The following KIAA0825 variants were observed in gnomAD, a reference collection of about 807,000 sequenced individuals.
KIAA0825 encodes the protein uncharacterized protein KIAA0825.
KIAA0825 carries 119 observed loss-of-function variants against 147.6 expected under a neutral mutation model. The observed-to-expected ratio is 0.81, with a 90% CI of 0.69 to 0.94. The LOEUF (loss-of-function observed/expected upper bound fraction) is 0.94, where lower values mean the gene tolerates loss of function less well. Ranked by LOEUF, KIAA0825 falls within the 40% of genes least tolerant of loss-of-function variation. The pLI, the probability that KIAA0825 is intolerant of heterozygous loss-of-function variation, is 0.00. For synonymous variants in KIAA0825, 470 were observed against 518.1 expected (o/e 0.91, Z 1.26); for missense variants, 1,381 against 1,472.7 (o/e 0.94, Z 1.02).
chr5:94,376,313 T>C lies in KIAA0825; in HGVS notation c.3710+8055A>G, dbSNP rs958412944. On this transcript the variant is annotated intron_variant, in intron 20 of 20. Coordinates refer to ENST00000682413, the MANE Select transcript of KIAA0825 (RefSeq NM_001145678.3). ...AGATACAAAACCAGAAGACTTCATC[T>C]TGGGGCTCTTTTGAGCTGCCATGTA... Among the ~76,000 whole-genome samples, 6 of 152,322 alleles carry C rather than the reference T, an allele frequency of 3.9e-5. No homozygotes were observed. The East Asian group carries it at 5.8e-4, about 15-fold the overall frequency.
intron 2 of KIAA0825, among the ~76,000 whole-genome samples, chr5:94,566,722 T>C (rs190416776): frequency 1.3e-5 from 2 of 152,244 alleles, no homozygotes; most frequent in East Asian, 1.9e-4. Context: ...CTCTTCTATA[T>C]AGATTATAAT....
At chr5:94,581,086 CA>C (rs1782080790) in intron 2 of KIAA0825, among the ~76,000 whole-genome samples, 1 of 151,908 alleles carries the variant, frequency 6.6e-6, no homozygotes, top group South Asian at 2.1e-4. Context: ...ATCAAATAAG[CA>C]TTCACAAAAT....
chr5:94,505,648 G>A (rs1198018775), intron 5 of KIAA0825, among the ~76,000 whole-genome samples: 1 of 151,776 alleles, frequency 6.6e-6, no homozygotes, highest in Non-Finnish European at 1.5e-5. Flanking sequence ...TCAAAGATTT[G>A]TCTTAAATAA....
chr5:94,565,424 C>T lies in KIAA0825; in HGVS notation c.-2+17009G>A, dbSNP rs528815160. On this transcript the variant is annotated intron_variant, in intron 2 of 20. Transcript: ENST00000682413. ...TGGTGCAATCTCAGCTCACCGCAAC[C>T]TCTGCCTCCCAGGTTGAGGCAATTC... Among the ~76,000 whole-genome samples, 14 of 151,524 alleles carry T rather than the reference C, an allele frequency of 9.2e-5. No individual in the cohort carries two copies. In the East Asian group the frequency reaches 2.5e-3, roughly 27 times the overall value.
At chr5:94,280,002 CA>C (rs1234595482) in intron 20 of KIAA0825, among the ~76,000 whole-genome samples, 1 of 152,026 alleles carries the variant, frequency 6.6e-6, no homozygotes, top group Non-Finnish European at 1.5e-5. Context: ...TAAAAAGCAT[CA>C]AACGATATCT....
intron 1 of KIAA0825, among the ~76,000 whole-genome samples, chr5:94,599,049 G>A (rs1031864051): frequency 6.6e-6 from 1 of 152,058 alleles, no homozygotes; most frequent in Non-Finnish European, 1.5e-5. Flanking sequence ...TTAGAAAGCT[G>A]AATACTGTTT....
chr5:94,353,352 C>T (rs1783906300), intron 20 of KIAA0825, among the ~76,000 whole-genome samples: 1 of 152,080 alleles, frequency 6.6e-6, no homozygotes, highest in East Asian at 1.9e-4. Context: ...CAGTTTTATC[C>T]AAATCTACTG....
chr5:94,180,128 A>G (rs1769469952), intron 20 of KIAA0825, among the ~76,000 whole-genome samples: 1 of 152,112 alleles, frequency 6.6e-6, no homozygotes, highest in African/African-American at 2.4e-5. Context: ...AAAAAATACA[A>G]GCTCAACCAA....
intron 1 of KIAA0825, among the ~76,000 whole-genome samples, chr5:94,594,967 C>G (rs773065908): frequency 3.3e-5 from 5 of 152,100 alleles, no homozygotes; most frequent in Non-Finnish European, 7.4e-5. Flanking sequence ...TGGGCTCCCA[C>G]AGCCTTGGGC....
chr5:94,370,130 A>G (rs916941323), intron 20 of KIAA0825, among the ~76,000 whole-genome samples: 1 of 152,332 alleles, frequency 6.6e-6, no homozygotes, highest in East Asian at 1.9e-4. Flanking sequence ...AAACTGTGGT[A>G]CAACCATACA....
intron 3 of KIAA0825, among the ~76,000 whole-genome samples, chr5:94,534,799 G>A (rs1771628425): frequency 6.6e-6 from 1 of 152,004 alleles, no homozygotes; most frequent in Non-Finnish European, 1.5e-5. Flanking sequence ...TTATTCTGAT[G>A]GAGCCTAAAT....
chr5:94,511,869 A>G (rs781280176), intron 5 of KIAA0825, among the ~76,000 whole-genome samples: 29 of 151,540 alleles, frequency 1.9e-4, no homozygotes, highest in Non-Finnish European at 3.1e-4. Flanking sequence ...GGTGCCTGTA[A>G]TCCCAGCTAC....
At chr5:94,594,795 T>C in intron 1 of KIAA0825, 1 of 526,354 alleles carries the variant, frequency 1.9e-6, no homozygotes. Flanking sequence ...ATCATGATTG[T>C]AGTTTTTATT....
At chr5:94,411,810 G>C (rs984389253) in intron 15 of KIAA0825, among the ~76,000 whole-genome samples, 1 of 152,124 alleles carries the variant, frequency 6.6e-6, no homozygotes, top group African/African-American at 2.4e-5. Context: ...ATCCAGGCGT[G>C]GTGGCTCGTG....
intron 15 of KIAA0825, among the ~76,000 whole-genome samples, chr5:94,411,504 C>A (rs1165528247): frequency 6.6e-6 from 1 of 152,058 alleles, no homozygotes; most frequent in Non-Finnish European, 1.5e-5. Context: ...AAATAAGAAC[C>A]TCAACATTTA....
chr5:94,398,025 C>T (rs960146641), intron 16 of KIAA0825, among the ~76,000 whole-genome samples: 5 of 151,454 alleles, frequency 3.3e-5, no homozygotes, highest in African/African-American at 1.2e-4. Flanking sequence ...TCCTCCCTCC[C>T]GTTCTTCCTG....
chr5:94,208,241 A>G (rs1772385189), intron 20 of KIAA0825, among the ~76,000 whole-genome samples: 1 of 152,218 alleles, frequency 6.6e-6, no homozygotes, highest in Non-Finnish European at 1.5e-5. Context: ...AATAAATAAA[A>G]TAACAGACCT....
chr5:94,407,860 G>A (rs547449685), intron 15 of KIAA0825, among the ~76,000 whole-genome samples: 1 of 152,132 alleles, frequency 6.6e-6, no homozygotes, highest in Non-Finnish European at 1.5e-5. Flanking sequence ...CAGTACATTT[G>A]TTATAAAAAT....
intron 2 of KIAA0825, among the ~76,000 whole-genome samples, chr5:94,551,820 C>T (rs913909735): frequency 2.0e-5 from 3 of 151,754 alleles, no homozygotes; most frequent in African/African-American, 7.3e-5. Flanking sequence ...AACTTTAACA[C>T]TACAGAAAAA....
Sources: allele counts gnomAD v4.1 joint callset (sites outside exome capture counted in the v4.1 genomes callset), GRCh38; gene constraint gnomAD v4.1.1; transcripts MANE v1.5; gene names NCBI Gene and HGNC (gene_info 2026-07-23, HGNC 2026-07-21).